Variants in PCDH9 observed in about 807,000 individuals in gnomAD.
The protein encoded by PCDH9 is protocadherin 9, also known as protocadherin-9.
In PCDH9, 24 loss-of-function variants were observed where a neutral mutation model predicts 70.6. The observed-to-expected ratio is 0.34, with a 90% CI of 0.25 to 0.48. The LOEUF (loss-of-function observed/expected upper bound fraction) is 0.48. PCDH9 is among the 20% of genes least tolerant of loss of function. PCDH9 has a pLI of 0.99. For missense variants in PCDH9, 1,281 were observed against 1,503.6 expected (o/e 0.85, Z 2.45); for synonymous variants, 562 against 558.5 (o/e 1.01, Z -0.09).
chr13:66,750,493 C>A (rs1009553029), intron 3 of PCDH9, among the ~76,000 whole-genome samples: 1 of 151,928 alleles, frequency 6.6e-6, no homozygotes, highest in Non-Finnish European at 1.5e-5. Flanking sequence ...CTGCTTGTCT[C>A]TCTGCTATCC....
intron 3 of PCDH9, among the ~76,000 whole-genome samples, chr13:66,737,196 G>C (rs2079163320): frequency 3.6e-5 from 1 of 27,658 alleles, no homozygotes; most frequent in South Asian, 0.023. Flanking sequence ...ACATGTATTT[G>C]TTCTCTATTT....
intron 4 of PCDH9, among the ~76,000 whole-genome samples, chr13:66,551,197 C>T (rs1033992608): frequency 3.3e-5 from 5 of 152,204 alleles, no homozygotes; most frequent in East Asian, 1.9e-4. Flanking sequence ...CTCCCTAAAA[C>T]GACCTTGGAA....
intron 3 of PCDH9, among the ~76,000 whole-genome samples, chr13:66,903,193 A>G (rs1231589752): frequency 1.3e-5 from 2 of 151,850 alleles, no homozygotes; most frequent in African/African-American, 4.8e-5. Flanking sequence ...AATCCAGAAC[A>G]TCTAGCTTTA....
At chr13:66,887,070 CACACACA>C (rs2082017827) in intron 3 of PCDH9, among the ~76,000 whole-genome samples, 3 of 136,740 alleles carry the variant, frequency 2.2e-5, no homozygotes, top group African/African-American at 7.7e-5. Flanking sequence ...CACACACACA[CACACACA>C]CCCTGTATTT....
chr13:66,356,674 C>A (rs1402294551), intron 4 of PCDH9, among the ~76,000 whole-genome samples: 1 of 152,064 alleles, frequency 6.6e-6, no homozygotes, highest in Non-Finnish European at 1.5e-5. Context: ...ATCACAACAA[C>A]TGCATCAGAT....
intron 4 of PCDH9, among the ~76,000 whole-genome samples, chr13:66,372,741 C>T (rs1296387054): frequency 6.6e-6 from 1 of 151,726 alleles, no homozygotes; most frequent in Non-Finnish European, 1.5e-5. Flanking sequence ...CATCTATAAG[C>T]ATGATAGCAT....
At chr13:66,802,104 C>A (rs1423177715) in intron 3 of PCDH9, among the ~76,000 whole-genome samples, 1 of 151,342 alleles carries the variant, frequency 6.6e-6, no homozygotes, top group Non-Finnish European at 1.5e-5. Context: ...GTCAACTGTA[C>A]ATAGAATTTA....
chr13:66,917,939 A>G (rs149824108), intron 2 of PCDH9, among the ~76,000 whole-genome samples: 2 of 151,402 alleles, frequency 1.3e-5, no homozygotes, highest in East Asian at 3.9e-4. Context: ...CATTAGGAAA[A>G]TGATATGTCT....
chr13:66,427,815 C>T (rs1317852952), intron 4 of PCDH9, among the ~76,000 whole-genome samples: 3 of 151,646 alleles, frequency 2.0e-5, no homozygotes, highest in African/African-American at 7.3e-5. Context: ...AGTAAGCTGT[C>T]ATCACAACTC....
chr13:66,702,099 G>T (rs1012005180), intron 3 of PCDH9, among the ~76,000 whole-genome samples: 1 of 152,092 alleles, frequency 6.6e-6, no homozygotes, highest in African/African-American at 2.4e-5. Context: ...TAGCAAAATA[G>T]GCAATACACA....
chr13:66,699,069 C>T (rs2078602230), intron 3 of PCDH9, among the ~76,000 whole-genome samples: 1 of 151,826 alleles, frequency 6.6e-6, no homozygotes, highest in Non-Finnish European at 1.5e-5. Context: ...CACCCACCAT[C>T]ATGTCCGGCT....
At chr13:67,131,589 G>C (rs1375118628) in intron 2 of PCDH9, among the ~76,000 whole-genome samples, 2 of 152,086 alleles carry the variant, frequency 1.3e-5, no homozygotes, top group East Asian at 3.8e-4. Context: ...TAATCAGCAT[G>C]ATGACATGCT....
chr13:66,553,159 C>T (rs1961568189), intron 4 of PCDH9, among the ~76,000 whole-genome samples: 2 of 152,082 alleles, frequency 1.3e-5, no homozygotes, highest in South Asian at 4.2e-4. Context: ...GGAACTATAC[C>T]AGTCAAAAAG....
At chr13:66,382,545 C>G (rs528856489) in intron 4 of PCDH9, among the ~76,000 whole-genome samples, 1 of 151,964 alleles carries the variant, frequency 6.6e-6, no homozygotes, top group East Asian at 1.9e-4. Flanking sequence ...CAATTATAAT[C>G]ATGTTTGAAT....
intron 4 of PCDH9, among the ~76,000 whole-genome samples, chr13:66,527,412 T>C (rs1321049597): frequency 6.6e-6 from 1 of 152,112 alleles, no homozygotes; most frequent in Non-Finnish European, 1.5e-5. Flanking sequence ...GACCTACAGG[T>C]GATTAATGTT....
intron 3 of PCDH9, among the ~76,000 whole-genome samples, chr13:66,722,876 G>A (rs1267808721): frequency 6.7e-6 from 1 of 148,980 alleles, no homozygotes; most frequent in African/African-American, 2.5e-5. Flanking sequence ...GCTGAGGCAG[G>A]AAAATTGCTT....
intron 2 of PCDH9, chr13:67,214,974 T>TATATATATATATATATATATATA: frequency 2.1e-5 from 1 of 47,696 alleles, no homozygotes; most frequent in African/African-American, 7.5e-5. Flanking sequence ...ATATATATAT[T>TATATATATATATATATATATATA]CACTTAATCT....
At chr13:66,664,295 T>G (rs1215944309) in intron 3 of PCDH9, among the ~76,000 whole-genome samples, 2 of 152,216 alleles carry the variant, frequency 1.3e-5, no homozygotes, top group East Asian at 3.9e-4. Context: ...TTTATTAGTT[T>G]TCCTTAAAAT....
intron 4 of PCDH9, among the ~76,000 whole-genome samples, chr13:66,465,658 T>C (rs1049175737): frequency 6.6e-6 from 1 of 151,878 alleles, no homozygotes; most frequent in South Asian, 2.1e-4. Flanking sequence ...AACAGAAATA[T>C]TGTTTATGTC....
Sources: gnomAD v4.1 joint callset for allele counts (sites outside exome capture counted in the v4.1 genomes callset) on GRCh38, gnomAD v4.1.1 for gene constraint, MANE v1.5 for transcripts, NCBI Gene and HGNC (gene_info 2026-07-23, HGNC 2026-07-21) for gene names.